PRXL2A: variants seen among roughly 807,000 people sequenced by gnomAD.
The protein encoded by PRXL2A is peroxiredoxin like 2A, also known as peroxiredoxin-like 2A.
A neutral mutation model predicts 25.6 loss-of-function variants in PRXL2A; 26 were observed. The ratio of observed to expected loss-of-function variants is 1.02; its 90% CI spans 0.74 to 1.41. The LOEUF (loss-of-function observed/expected upper bound fraction) is 1.41. Ranked by LOEUF, PRXL2A falls within the 40% of genes most tolerant of loss-of-function variation. The pLI, the probability that PRXL2A is intolerant of heterozygous loss-of-function variation, is 0.00. For synonymous variants in PRXL2A, 98 were observed against 102.9 expected (o/e 0.95, Z 0.29); for missense variants, 246 against 273.9 (o/e 0.90, Z 0.72).
chr10:80,416,090 G>A (rs887436050), intron 1 of PRXL2A, among the ~76,000 whole-genome samples: 4 of 152,200 alleles, frequency 2.6e-5, no homozygotes, highest in African/African-American at 9.7e-5. Context: ...CAGGCTCTGG[G>A]AAATCTCTTG....
At chr10:80,431,191 C>T (rs756381906) in intron 5 of PRXL2A, among the ~76,000 whole-genome samples, 9 of 152,156 alleles carry the variant, frequency 5.9e-5, no homozygotes, top group Non-Finnish European at 1.0e-4. Flanking sequence ...AGCCACAGCA[C>T]GCAGCCTATT....
At chr10:80,424,772 A>C (rs1386863887) in intron 3 of PRXL2A, among the ~76,000 whole-genome samples, 1 of 152,138 alleles carries the variant, frequency 6.6e-6, no homozygotes, top group Non-Finnish European at 1.5e-5. Flanking sequence ...GAGGCGTGAG[A>C]ATCACTTGAA....
At chr10:80,415,207 T>A (rs1844619073) in intron 1 of PRXL2A, among the ~76,000 whole-genome samples, 1 of 152,204 alleles carries the variant, frequency 6.6e-6, no homozygotes, top group South Asian at 2.1e-4. Flanking sequence ...GATAACACTC[T>A]CAGCATGGTG....
In PRXL2A at chr10:80,425,849, C is replaced by G. The variant is rs200341840; in HGVS notation, c.271-17C>G. The G allele has an allele frequency of 1.1e-4, 184 of 1,614,008 alleles. 1 individual carries two copies. Among genetic ancestry groups the G allele is most frequent in the Admixed American group, 5.8e-4 (35 of 59,996 alleles). ...CCAGCTGGGACAGATGTCCCTGAACCCTTGTGTCTTCTACAGGAAGCTGCG... is the reference window on the plus strand; with the variant it reads ...CCAGCTGGGACAGATGTCCCTGAACGCTTGTGTCTTCTACAGGAAGCTGCG... On this transcript the variant is annotated splice_polypyrimidine_tract_variant and intron_variant, in intron 3 of 5. Coordinates refer to ENST00000606162, the MANE Select transcript of PRXL2A (RefSeq NM_032333.5).
rs1022702840 is a variant in PRXL2A, at chr10:80,430,038, C to G, written c.577-1948C>G. Among the ~76,000 whole-genome samples the G allele has an allele frequency of 2.1e-5, 3 of 143,142 alleles. No individual in the cohort carries two copies. The East Asian group carries it at 6.2e-4, about 30-fold the overall frequency. The allele number at this position is 143,142 out of a possible 152,430, so 93.9% of individuals were successfully genotyped here. A position where few individuals can be genotyped will look rare whatever the true frequency, so the allele number is the denominator to read the frequency against. Reference sequence around the variant, plus strand: ...CTGAACTTCAGGACTTACTTCAGTTCTTGTTGGGTGTAGAGTTTTTGTAGT... The same window carrying G: ...CTGAACTTCAGGACTTACTTCAGTTGTTGTTGGGTGTAGAGTTTTTGTAGT... On this transcript the variant is annotated intron_variant, in intron 5 of 5. Transcript: ENST00000606162.
intron 1 of PRXL2A, among the ~76,000 whole-genome samples, chr10:80,415,049 G>A (rs1034532343): frequency 6.6e-6 from 1 of 152,190 alleles, no homozygotes; most frequent in African/African-American, 2.4e-5. Context: ...GTAGCCCAGG[G>A]GACTTGGATA....
At chr10:80,408,270 C>T (rs1027322189), upstream of PRXL2A, among the ~76,000 whole-genome samples, 1 of 152,174 alleles carries the variant, frequency 6.6e-6, no homozygotes, top group African/African-American at 2.4e-5. Context: ...CTTCCAGGCT[C>T]CATTAGGGGT....
In PRXL2A at chr10:80,426,057, G is replaced by A. The variant is rs968622258; in HGVS notation, c.411+51G>A. Reference sequence around the variant, plus strand: ...CACAGACTGCTGGGGATTGTGCTCAGCTGTGTGATAGTCAGGTGGCCCAGG... The same window carrying A: ...CACAGACTGCTGGGGATTGTGCTCAACTGTGTGATAGTCAGGTGGCCCAGG... On this transcript the variant is annotated intron_variant, in intron 4 of 5. Coordinates refer to ENST00000606162, the MANE Select transcript of PRXL2A (RefSeq NM_032333.5). The A allele has an allele frequency of 3.7e-6, 6 of 1,608,618 alleles. No individual in the cohort carries two copies. The African/African-American group carries it at 6.7e-5, about 18-fold the overall frequency.
intron 5 of PRXL2A, among the ~76,000 whole-genome samples, chr10:80,431,470 A>G (rs1845257443): frequency 6.6e-6 from 1 of 152,014 alleles, no homozygotes; most frequent in Non-Finnish European, 1.5e-5. Context: ...ACTTTGGGGT[A>G]TCTTGTGTCT....
At chr10:80,421,955 C>T (rs1844879681) in intron 2 of PRXL2A, among the ~76,000 whole-genome samples, 1 of 152,184 alleles carries the variant, frequency 6.6e-6, no homozygotes, top group Non-Finnish European at 1.5e-5. Flanking sequence ...ACTGTACTAC[C>T]CCAAAGCATT....
Position 80,436,790 on chromosome 10 carries a change from T to C in PRXL2A, c.*4691T>C, listed in dbSNP as rs1845413828. ...CTCACTCCCCATTCCCCTTTCTGTG[T>C]AAAAACTGGTTGGAAAGAAATGATC... On this transcript the variant is annotated 3_prime_UTR_variant, in exon 6 of 6. Coordinates refer to ENST00000606162, the MANE Select transcript of PRXL2A (RefSeq NM_032333.5). 1 of 152,158 alleles carries C rather than the reference T, an allele frequency of 6.6e-6. No individual in the cohort carries two copies. The highest frequency in any genetic ancestry group is 1.5e-5 in the Non-Finnish European group (1 of 68,054). 9.4% of individuals were successfully genotyped at this position (152,158 alleles called of 1,614,324 possible).
At chr10:80,427,533 C>T in intron 5 of PRXL2A, 37 bp downstream of exon 5, 1 of 1,608,002 alleles carries the variant, frequency 6.2e-7, no homozygotes. Context: ...CTGTAGGTGT[C>T]TGTGTCTGTG....
At chr10:80,424,608 G>A (rs1268846258) in intron 3 of PRXL2A, among the ~76,000 whole-genome samples, 1 of 150,360 alleles carries the variant, frequency 6.7e-6, no homozygotes, top group Admixed American at 6.6e-5. Flanking sequence ...GCTCACACCT[G>A]TACTCCCAGC....
Position 80,427,882 on chromosome 10 carries a change from G to A in PRXL2A, c.576+386G>A, listed in dbSNP as rs181968184. 1.4e-4 allele frequency among the ~76,000 whole-genome samples: 21 copies of A among 152,232 alleles called. No individual in the cohort carries two copies. The East Asian group carries it at 3.5e-3, about 25-fold the overall frequency. ...CACAGCTCATGGGTGGCACTGCTGG[G>A]GCCTGAACCCAGGTTTGCTGACTTT... On this transcript the variant is annotated intron_variant, in intron 5 of 5. Transcript: ENST00000606162.
Position 80,428,419 on chromosome 10 carries a change from G to A in PRXL2A, c.576+923G>A, listed in dbSNP as rs145713737. Among the ~76,000 whole-genome samples the A allele has an allele frequency of 7.6e-3, 1,161 of 152,314 alleles. 16 individuals are homozygous for A. Among genetic ancestry groups the A allele is most frequent in the African/African-American group, 0.027 (1,103 of 41,556 alleles). On this transcript the variant is annotated intron_variant, in intron 5 of 5. Transcript: ENST00000606162. ...CACACCTGTAACGCCAGCACTTTGG[G>A]AGGCCAAGGCGGGCGGATCACTTGA... is the stretch of plus-strand genomic sequence containing the variant.
chr10:80,417,369 C>G (rs1228714240), intron 1 of PRXL2A, among the ~76,000 whole-genome samples: 11 of 152,142 alleles, frequency 7.2e-5, no homozygotes, highest in African/African-American at 2.4e-4. Context: ...TCCTTTGAAA[C>G]GCTGAGGATC....
chr10:80,422,393 G>T, intron 2 of PRXL2A, 24 bp from the exon 3 acceptor site: 2 of 1,591,756 alleles, frequency 1.3e-6, no homozygotes, highest in South Asian at 1.1e-5. Context: ...AGGAGATATC[G>T]AATTTCTTTT....
In PRXL2A at chr10:80,427,439, C is replaced by G. The variant is rs1271302688; in HGVS notation, c.519C>G (p.Asn173Lys). The G allele has an allele frequency of 1.9e-6, 3 of 1,614,092 alleles. No homozygotes were observed. In the East Asian group the frequency reaches 6.7e-5, roughly 36 times the overall value. The stretch of plus-strand genomic sequence containing the variant: ...CCTGGAACGGAGGCTTCTCTGGAAA[C>G]CTGGAAGGAGAAGGCTTCATCCTTG... Reference protein sequence around the residue: ...FRAWNGGFSGNLEGEGFILGG... With the variant: ...FRAWNGGFSGKLEGEGFILGG... Residue 173 changes from asparagine (N) to lysine (K), a missense_variant, in exon 5 of 6, where the codon AAC becomes AAG. Asn to Lys is a moderately conservative substitution (Grantham distance 94). Coordinates refer to ENST00000606162, the MANE Select transcript of PRXL2A (RefSeq NM_032333.5).
chr10:80,427,293 T>C, intron 4 of PRXL2A, 39 bp from the exon 5 acceptor site: 1 of 1,590,976 alleles, frequency 6.3e-7, no homozygotes, highest in East Asian at 2.2e-5. Context: ...GGCAGGCATG[T>C]AGAGTACTCA....
Sources: gnomAD v4.1 joint callset for allele counts (sites outside exome capture counted in the v4.1 genomes callset) on GRCh38, gnomAD v4.1.1 for gene constraint, MANE v1.5 for transcripts, NCBI Gene and HGNC (gene_info 2026-07-23, HGNC 2026-07-21) for gene names.